PUF60: variants seen among roughly 807,000 people sequenced by gnomAD.
The protein encoded by PUF60 is poly(U) binding splicing factor 60.
In PUF60, 10 loss-of-function variants were observed where a neutral mutation model predicts 61.8. The observed-to-expected ratio is 0.16, with a 90% CI of 0.10 to 0.27. PUF60 has a LOEUF of 0.27. PUF60 is among the 10% of genes least tolerant of loss of function. The pLI is 1.00. For synonymous variants in PUF60, 353 were observed against 300.9 expected (o/e 1.17, Z -1.79); for missense variants, 371 against 754.0 (o/e 0.49, Z 5.95).
chr8:143,824,292 G>C, intron 2 of PUF60, 21 bp downstream of exon 2: 1 of 1,587,624 alleles, frequency 6.3e-7, no homozygotes, highest in Non-Finnish European at 8.6e-7. Context: ...GCCTGAGGGA[G>C]AGGATGCTTA....
chr8:143,820,423 G>A lies in PUF60; in HGVS notation c.348+243C>T, dbSNP rs575943931. The A allele has an allele frequency of 2.4e-4, 133 of 565,286 alleles. 2 individuals carry two copies. In the East Asian group the frequency reaches 3.9e-3, roughly 17 times the overall value. 35.0% of individuals were successfully genotyped at this position (565,286 alleles called of 1,614,324 possible). On this transcript the variant is annotated intron_variant, in intron 5 of 11. Coordinates refer to ENST00000526683, the MANE Select transcript of PUF60 (RefSeq NM_078480.3). ...TACCCGCCCTGGCCGGCTGCCCTCC[G>A]CAGTTACCTGGCCGATTAGTTTTAA...
rs111488010 is a variant in PUF60, at chr8:143,819,046, G to A, written c.349-512C>T. 4.7e-3 allele frequency: 731 copies of A among 155,728 alleles called. 8 individuals are homozygous for A. Among genetic ancestry groups the A allele is most frequent in the African/African-American group, 0.016 (682 of 41,656 alleles). 9.6% of individuals were successfully genotyped at this position (155,728 alleles called of 1,614,324 possible). A position where few individuals can be genotyped will look rare whatever the true frequency, so the allele number is the denominator to read the frequency against. ...CAGGGGAGGAGCTCAGGAGCCAGAT[G>A]GGGGCTCCCTGAAGAGAGAACGAGG... On this transcript the variant is annotated intron_variant, in intron 5 of 11. Transcript: ENST00000526683.
At position 143,816,601 on chromosome 8, in the gene PUF60, A is replaced by G; in HGVS notation, c.1599T>C (p.Asn533=). 1 of 1,613,758 alleles carries G rather than the reference A, an allele frequency of 6.2e-7. No individual in the cohort carries two copies. The highest frequency in any genetic ancestry group is 1.1e-5 in the South Asian group (1 of 91,088). ...SETHKAIQAL[N]GRWFAGRKVV... is the part of the protein sequence containing the mutation. ...CCTTGCGGCCAGCAAACCAGCGGCC[A>G]TTGAGGGCCTGGATGGCCTTATGAG... The change falls in exon 12 of 12, where the codon AAT becomes AAC. Residue 533 remains asparagine (N), a synonymous_variant. Coordinates refer to ENST00000526683, the MANE Select transcript of PUF60 (RefSeq NM_078480.3).
At position 143,818,867 on chromosome 8, in the gene PUF60, T is replaced by C; in HGVS notation, c.349-333A>G. On this transcript the variant is annotated intron_variant, in intron 5 of 11. Coordinates refer to ENST00000526683, the MANE Select transcript of PUF60 (RefSeq NM_078480.3). This position sits in a 1 kb window ranked among gnomAD's most constrained non-coding sequence, Gnocchi z 7.9. ...ACCCCTCCAGTCTGGGGGCTGGGTA[T>C]CCCAGGCTGGGCTGGGAGATCCTCC... is the stretch of plus-strand genomic sequence containing the variant. 2.9e-6 allele frequency: 1 copy of C among 346,090 alleles called. No individual in the cohort carries two copies. 21.4% of individuals were successfully genotyped at this position (346,090 alleles called of 1,614,324 possible). A position where few individuals can be genotyped will look rare whatever the true frequency, so the allele number is the denominator to read the frequency against.
Position 143,818,717 on chromosome 8 carries a change from A to AG in PUF60, c.349-184dup. The AG allele has an allele frequency of 1.5e-6, 1 of 669,950 alleles. No homozygotes were observed. 41.5% of individuals were successfully genotyped at this position (669,950 alleles called of 1,614,324 possible). A position where few individuals can be genotyped will look rare whatever the true frequency, so the allele number is the denominator to read the frequency against. On this transcript the variant is annotated intron_variant, in intron 5 of 11. Transcript: ENST00000526683. The surrounding 1 kb of genome is among the most constrained non-coding windows in gnomAD (Gnocchi z 7.9). ...GGGGTCGCAGGACCCCGCCACCCAA[A>AG]GAAGGAAGGCCAGGCCCAGCGGCAG...
chr8:143,829,059 C>CGCCGGAAGCTGGGGTCCGCAG (rs1817996283), intron 1 of PUF60: 23 of 1,030,306 alleles, frequency 2.2e-5, no homozygotes, highest in Non-Finnish European at 2.6e-5. Flanking sequence ...CGCCCCGCCC[C>CGCCGGAAGCTGGGGTCCGCAG]GCCGGAAGCT....
intron 1 of PUF60, among the ~76,000 whole-genome samples, chr8:143,825,645 G>C (rs1417616355): frequency 6.6e-6 from 1 of 152,120 alleles, no homozygotes; most frequent in African/African-American, 2.4e-5. Flanking sequence ...GCCACACCTG[G>C]CTAATTTTTG....
At position 143,816,825 on chromosome 8, in the gene PUF60, G is replaced by A. The variant is rs1246495873; in HGVS notation, c.1381-6C>T. On this transcript the variant is annotated splice_region_variant and splice_polypyrimidine_tract_variant and intron_variant, in intron 11 of 11. Transcript: ENST00000526683. ...CGCAGAACCATCACTGTAGACTGTG[G>A]GGCAGGGCCGAGGGGAAGACAGCTG... 1 of 1,610,748 alleles carries A rather than the reference G, an allele frequency of 6.2e-7. No individual in the cohort carries two copies. The highest frequency in any genetic ancestry group is 8.5e-7 in the Non-Finnish European group (1 of 1,178,318).
intron 4 of PUF60, among the ~76,000 whole-genome samples, 153 bp from the exon 5 acceptor site, chr8:143,820,869 CA>C (rs906463076): frequency 4.6e-5 from 7 of 152,184 alleles, no homozygotes; most frequent in Non-Finnish European, 4.4e-5. Context: ...AGCACCTGCC[CA>C]GGGGGGCCGC....
chr8:143,824,246 A>ACAGGCAGGCGGGCGGG (rs1817369542), intron 2 of PUF60, 67 bp downstream of exon 2: 2 of 1,470,574 alleles, frequency 1.4e-6, no homozygotes, highest in South Asian at 2.5e-5. Flanking sequence ...CCAGGGACGC[A>ACAGGCAGGCGGGCGGG]CAGGCAGGCG....
Position 143,818,421 on chromosome 8 carries a change from G to A in PUF60, c.462C>T (p.Pro154=). The A allele has an allele frequency of 6.2e-7, 1 of 1,612,526 alleles. No individual in the cohort carries two copies. The highest frequency in any genetic ancestry group is 8.5e-7 in the Non-Finnish European group (1 of 1,179,710). The part of the protein sequence containing the change: ...TIRQAFAPFG[P]IKSIDMSWDS... ...CCCAGGACATGTCGATGCTCTTGAT[G>A]GGGCCAAAGGGGGCAAAGGCCTGGC... Residue 154 remains proline, a synonymous_variant, in exon 6 of 12, where the codon CCC becomes CCT. Coordinates refer to ENST00000526683, the MANE Select transcript of PUF60 (RefSeq NM_078480.3). This position sits in a 1 kb window ranked among gnomAD's most constrained non-coding sequence, Gnocchi z 7.9.
At chr8:143,822,589 A>G in intron 2 of PUF60, 1 of 456,584 alleles carries the variant, frequency 2.2e-6, no homozygotes. Context: ...CACTGGGAGA[A>G]GCCAGGAGCA....
chr8:143,826,177 G>C (rs1817613963), intron 1 of PUF60, among the ~76,000 whole-genome samples: 2 of 152,238 alleles, frequency 1.3e-5, no homozygotes, highest in African/African-American at 2.4e-5. Flanking sequence ...AGTGCTTGGA[G>C]GGATGGGAAG....
At chr8:143,819,720 C>A (rs777876286) in intron 5 of PUF60, among the ~76,000 whole-genome samples, 10 of 152,084 alleles carry the variant, frequency 6.6e-5, no homozygotes, top group Non-Finnish European at 1.3e-4. Flanking sequence ...CAAGACCCCC[C>A]CAAAGGTGGA....
chr8:143,817,296 G>A lies in PUF60; in HGVS notation c.1144+35C>T. ...CAGCGAGCCGAGAGATGCCAGGACA[G>A]GAGAGGAGAGGATCTGGTACCACTT... On this transcript the variant is annotated intron_variant, in intron 10 of 11. Transcript: ENST00000526683. This position sits in a 1 kb window ranked among gnomAD's most constrained non-coding sequence, Gnocchi z 7.4. 1.9e-6 allele frequency: 3 copies of A among 1,570,852 alleles called. No individual in the cohort carries two copies. Among genetic ancestry groups the A allele is most frequent in the African/African-American group, 2.7e-5 (2 of 72,800 alleles).
rs1318282288 is a variant in PUF60, at chr8:143,829,312, C to A, written c.-9G>T. Reference sequence around the variant, plus strand: ...ATGGTCGCCGTCGCCATCTTGCGTCCGTCGCGGCCTCCGCGCGCGCCTCCC... The same window carrying A: ...ATGGTCGCCGTCGCCATCTTGCGTCAGTCGCGGCCTCCGCGCGCGCCTCCC... On this transcript the variant is annotated 5_prime_UTR_variant, in exon 1 of 12. Transcript: ENST00000526683. The A allele has an allele frequency of 2.4e-6, 3 of 1,259,590 alleles. No individual in the cohort carries two copies. Among genetic ancestry groups the A allele is most frequent in the East Asian group, 3.1e-5 (1 of 31,788 alleles). 78.0% of individuals were successfully genotyped at this position (1,259,590 alleles called of 1,614,324 possible). A position where few individuals can be genotyped will look rare whatever the true frequency, so the allele number is the denominator to read the frequency against.
At chr8:143,827,934 TGTCCA>T (rs1249394571) in intron 1 of PUF60, among the ~76,000 whole-genome samples, 1 of 152,186 alleles carries the variant, frequency 6.6e-6, no homozygotes, top group Non-Finnish European at 1.5e-5. Context: ...CACCTTCCCA[TGTCCA>T]GTCCTTGTCT....
At chr8:143,824,503 G>C (rs1457194629) in intron 1 of PUF60, 104 bp from the exon 2 acceptor site, 1 of 1,255,406 alleles carries the variant, frequency 8.0e-7, no homozygotes, top group African/African-American at 1.5e-5. Context: ...ATAAGCAAGG[G>C]AGGCCAGGCA....
chr8:143,818,777 C>A lies in PUF60; in HGVS notation c.349-243G>T, dbSNP rs1816681818. On this transcript the variant is annotated intron_variant, in intron 5 of 11. Coordinates refer to ENST00000526683, the MANE Select transcript of PUF60 (RefSeq NM_078480.3). The surrounding 1 kb of genome is among the most constrained non-coding windows in gnomAD (Gnocchi z 7.9). ...CACCCCAGCCCGCCAAGGTCCCAGG[C>A]AGACTGCGGCAGCAAAGCCGACAGA... 5.5e-6 allele frequency: 3 copies of A among 550,282 alleles called. No individual in the cohort carries two copies. The highest frequency in any genetic ancestry group is 9.4e-4 in the Middle Eastern group (2 of 2,134). 34.1% of individuals were successfully genotyped at this position (550,282 alleles called of 1,614,324 possible).
Sources: gnomAD v4.1 joint callset for allele counts (sites outside exome capture counted in the v4.1 genomes callset) on GRCh38, gnomAD v4.1.1 for gene constraint, Gnocchi (gnomAD v3.1) non-coding constraint, MANE v1.5 for transcripts, NCBI Gene and HGNC (gene_info 2026-07-23, HGNC 2026-07-21) for gene names.